The following ASTN2 variants were observed in gnomAD, a reference collection of about 807,000 sequenced individuals.
The protein encoded by ASTN2 is astrotactin 2.
In ASTN2, 54 loss-of-function variants were observed where a neutral mutation model predicts 139.8. The observed-to-expected ratio is 0.39, with a 90% CI of 0.31 to 0.48. ASTN2 has a LOEUF of 0.48. Ranked by LOEUF, ASTN2 falls within the 20% of genes least tolerant of loss-of-function variation. The pLI, the probability that ASTN2 is intolerant of heterozygous loss-of-function variation, is 0.95. For synonymous variants in ASTN2, 756 were observed against 719.5 expected (o/e 1.05, Z -0.81); for missense variants, 1,565 against 1,725.1 (o/e 0.91, Z 1.64).
intron 20 of ASTN2, among the ~76,000 whole-genome samples, chr9:116,474,939 A>C (rs1848930665): frequency 6.6e-6 from 1 of 152,174 alleles, no homozygotes; most frequent in Non-Finnish European, 1.5e-5. Context: ...AGTGATGGTC[A>C]CAGCCTACTG....
chr9:116,733,253 G>C (rs1422053607), intron 14 of ASTN2, 146 bp downstream of exon 14: 1 of 1,128,978 alleles, frequency 8.9e-7, no homozygotes, highest in Non-Finnish European at 1.3e-6. Context: ...GCCCAAGAAA[G>C]GGTAAGTTCC....
chr9:117,320,799 C>T lies in ASTN2; in HGVS notation c.443-29286G>A, dbSNP rs73655691. Among the ~76,000 whole-genome samples the T allele has an allele frequency of 7.5e-3, 1,143 of 152,272 alleles. 13 individuals carry two copies. The highest frequency in any genetic ancestry group is 0.026 in the African/African-American group (1,063 of 41,550). On this transcript the variant is annotated intron_variant, in intron 1 of 22. Coordinates refer to ENST00000313400, the MANE Select transcript of ASTN2 (RefSeq NM_001365068.1). The stretch of plus-strand genomic sequence containing the variant: ...TCAACCCCAAACTCCCCGTAACTGC[C>T]ACCCCCACCTGATCATGCTGCATAG...
intron 20 of ASTN2, among the ~76,000 whole-genome samples, chr9:116,472,884 G>A (rs1003647382): frequency 2.7e-5 from 4 of 147,288 alleles, no homozygotes; most frequent in African/African-American, 1.0e-4. Flanking sequence ...CTGAGATTGT[G>A]CCACTGCACT....
chr9:117,183,960 G>C lies in ASTN2; in HGVS notation c.1015+30398C>G, dbSNP rs565317023. Among the ~76,000 whole-genome samples the C allele has an allele frequency of 4.6e-5, 7 of 152,150 alleles. No homozygotes were observed. In the South Asian group the frequency reaches 1.5e-3, roughly 32 times the overall value. On this transcript the variant is annotated intron_variant, in intron 3 of 22. Transcript: ENST00000313400. Reference sequence around the variant, plus strand: ...AGTCCAGAAATTGCTTTCTCCTCTGGGGTCCTACAGGGAGACACCCAGCCC... The same window carrying C: ...AGTCCAGAAATTGCTTTCTCCTCTGCGGTCCTACAGGGAGACACCCAGCCC...
chr9:116,996,219 T>C (rs1351183778), intron 7 of ASTN2, among the ~76,000 whole-genome samples: 1 of 152,158 alleles, frequency 6.6e-6, no homozygotes, highest in African/African-American at 2.4e-5. Flanking sequence ...AATTGAGGAC[T>C]TATCTGATAA....
At chr9:116,429,082 T>C (rs1328263700) in intron 22 of ASTN2, among the ~76,000 whole-genome samples, 1 of 152,064 alleles carries the variant, frequency 6.6e-6, no homozygotes, top group South Asian at 2.1e-4. Context: ...CTCACACCTG[T>C]AATCCCAGAA....
chr9:117,412,202 C>T (rs1314631292), intron 1 of ASTN2, among the ~76,000 whole-genome samples: 1 of 152,138 alleles, frequency 6.6e-6, no homozygotes, highest in Non-Finnish European at 1.5e-5. Context: ...CCGTTGAGAG[C>T]GCCTAAAGCT....
intron 11 of ASTN2, among the ~76,000 whole-genome samples, chr9:116,839,915 T>G (rs1397881321): frequency 5.5e-5 from 8 of 144,700 alleles, no homozygotes; most frequent in Non-Finnish European, 1.2e-4. Flanking sequence ...TCTTGGGTGT[T>G]TCTCGCAGAG....
chr9:117,221,386 A>C (rs936465277), intron 2 of ASTN2, among the ~76,000 whole-genome samples: 1 of 152,182 alleles, frequency 6.6e-6, no homozygotes, highest in Non-Finnish European at 1.5e-5. Flanking sequence ...CAAGGCATGA[A>C]AGAAGGAAGC....
At chr9:116,615,133 A>T (rs1265030588) in intron 19 of ASTN2, among the ~76,000 whole-genome samples, 1 of 152,226 alleles carries the variant, frequency 6.6e-6, no homozygotes, top group African/African-American at 2.4e-5. Flanking sequence ...AATGCTCATC[A>T]TCACTGGCCA....
At chr9:116,825,318 G>A (rs1328673608) in intron 11 of ASTN2, among the ~76,000 whole-genome samples, 1 of 152,150 alleles carries the variant, frequency 6.6e-6, no homozygotes, top group East Asian at 1.9e-4. Flanking sequence ...GACTGTATGA[G>A]AAAACACTTC....
intron 4 of ASTN2, among the ~76,000 whole-genome samples, chr9:117,096,456 G>A (rs1328413256): frequency 6.6e-6 from 1 of 152,152 alleles, no homozygotes; most frequent in Non-Finnish European, 1.5e-5. Flanking sequence ...TTGCCTTGAA[G>A]ATTAAAGGAG....
intron 5 of ASTN2, among the ~76,000 whole-genome samples, chr9:117,045,079 C>T (rs1838692216): frequency 6.6e-6 from 1 of 152,070 alleles, no homozygotes; most frequent in Non-Finnish European, 1.5e-5. Context: ...GAAAGTGTGG[C>T]CTTTGGGGTC....
At chr9:117,193,504 G>T (rs1831403514) in intron 3 of ASTN2, among the ~76,000 whole-genome samples, 1 of 151,658 alleles carries the variant, frequency 6.6e-6, no homozygotes, top group African/African-American at 2.4e-5. Context: ...TGGGTGTGGT[G>T]GTGCACACCT....
At position 117,057,232 on chromosome 9, in the gene ASTN2, A is replaced by C. The variant is rs569675449; in HGVS notation, c.1277-17267T>G. On this transcript the variant is annotated intron_variant, in intron 5 of 22. Transcript: ENST00000313400. ...AGGGCTGGCCAGCAATGATACATCT[A>C]AGTTATATATCCCTGTGCATTTATA... 2.0e-5 allele frequency among the ~76,000 whole-genome samples: 3 copies of C among 152,142 alleles called. No individual in the cohort carries two copies. In the East Asian group the frequency reaches 5.8e-4, roughly 29 times the overall value.
intron 10 of ASTN2, among the ~76,000 whole-genome samples, chr9:116,889,762 C>T (rs1833714968): frequency 9.7e-6 from 1 of 103,150 alleles, no homozygotes; most frequent in South Asian, 3.2e-4. Flanking sequence ...CACACACACA[C>T]ACACACACAA....
rs114641225 is a variant in ASTN2 at position 117,088,302 on chromosome 9, G to A, written c.1276+7742C>T. ...TCCACCCCCTTCCCCAGTGTACCACGTACCATCCGCCCTCACACCTTGGCA... is the reference window on the plus strand; with the variant it reads ...TCCACCCCCTTCCCCAGTGTACCACATACCATCCGCCCTCACACCTTGGCA... On this transcript the variant is annotated intron_variant, in intron 5 of 22. Coordinates refer to ENST00000313400, the MANE Select transcript of ASTN2 (RefSeq NM_001365068.1). Among the ~76,000 whole-genome samples the A allele has an allele frequency of 6.1e-3, 925 of 152,112 alleles. 5 individuals are homozygous for A. The highest frequency in any genetic ancestry group is 0.019 in the African/African-American group (786 of 41,512).
At position 117,017,444 on chromosome 9, in the gene ASTN2, C is replaced by T. The variant is rs374075555; in HGVS notation, c.1424-9185G>A. Among the ~76,000 whole-genome samples the T allele has an allele frequency of 2.1e-3, 319 of 152,226 alleles. 8 individuals carry two copies. In the South Asian group the frequency reaches 0.06, roughly 29 times the overall value. On this transcript the variant is annotated intron_variant, in intron 6 of 22. Coordinates refer to ENST00000313400, the MANE Select transcript of ASTN2 (RefSeq NM_001365068.1). Reference sequence around the variant, plus strand: ...GAAAAATCTCTCTCCATGTCAGTTGCTCAAGTAAGACACGAACTTAGATGG... The same window carrying T: ...GAAAAATCTCTCTCCATGTCAGTTGTTCAAGTAAGACACGAACTTAGATGG...
At chr9:116,805,212 A>G (rs1830999582) in intron 13 of ASTN2, among the ~76,000 whole-genome samples, 1 of 151,964 alleles carries the variant, frequency 6.6e-6, no homozygotes, top group Admixed American at 6.6e-5. Flanking sequence ...GGAAAATGTT[A>G]ATTCTAGGTA....
Sources: allele counts gnomAD v4.1 joint callset (sites outside exome capture counted in the v4.1 genomes callset), GRCh38; gene constraint gnomAD v4.1.1; transcripts MANE v1.5; gene names NCBI Gene and HGNC (gene_info 2026-07-23, HGNC 2026-07-21).